VRK2: variants seen among roughly 807,000 people sequenced by gnomAD.
The protein encoded by VRK2 is serine/threonine-protein kinase VRK2.
VRK2 carries 60 observed loss-of-function variants against 57.6 expected under a neutral mutation model. That is an observed-to-expected ratio of 1.04 (90% CI 0.85 to 1.29). The LOEUF is 1.29. VRK2 is among the 50% of genes most tolerant of loss of function. The pLI, the probability that VRK2 is intolerant of heterozygous loss-of-function variation, is 0.00. For missense variants in VRK2, 705 were observed against 588.1 expected (o/e 1.20, Z -2.06); for synonymous variants, 231 against 199.2 (o/e 1.16, Z -1.35).
At chr2:58,137,012 A>G (rs1680262242) in intron 10 of VRK2, among the ~76,000 whole-genome samples, 1 of 132,772 alleles carries the variant, frequency 7.5e-6, no homozygotes, top group African/African-American at 2.9e-5. Context: ...TATATATTAT[A>G]TATATCTCAT....
intron 8 of VRK2, among the ~76,000 whole-genome samples, chr2:58,124,610 G>C (rs1223787282): frequency 6.6e-6 from 1 of 152,132 alleles, no homozygotes; most frequent in African/African-American, 2.4e-5. Flanking sequence ...AGTTTTAGTT[G>C]GTGAAGACAA....
upstream of VRK2, chr2:58,046,580 G>C (rs1323729533): frequency 3.1e-5 from 31 of 985,512 alleles, no homozygotes; most frequent in Non-Finnish European, 3.7e-5. Context: ...GGTGGAGGTA[G>C]TAACACAGCT....
At chr2:58,096,628 G>GCCAGTAGTAGTCCCTTTTGTTAATTT (rs1673177019) in intron 7 of VRK2, among the ~76,000 whole-genome samples, 1 of 151,638 alleles carries the variant, frequency 6.6e-6, no homozygotes, top group South Asian at 2.1e-4. Context: ...TATGAAGGTG[G>GCCAGTAGTAGTCCCTTTTGTTAATTT]CCAGTAGTAG....
chr2:58,089,058 T>G (rs1573030648), intron 6 of VRK2, among the ~76,000 whole-genome samples: 1 of 152,212 alleles, frequency 6.6e-6, no homozygotes, highest in Admixed American at 6.5e-5. Flanking sequence ...TAGAATGCAT[T>G]AATTTTCTCA....
chr2:58,089,723 G>C lies in VRK2; in HGVS notation c.543G>C (p.Gln181His), dbSNP rs1454786007. ...NLLLGYKNPD[Q>H]VYLADYGLSY... ...TTTTGGGTTACAAAAATCCAGACCA[G>C]GTAAATACATACTTTTGCTTTTAAT... Residue 181 changes from glutamine to histidine, a missense_variant and splice_region_variant, in exon 7 of 13, where the codon CAG becomes CAC. By Grantham distance (24) the Gln-to-His change is conservative (BLOSUM62 0). Transcript: ENST00000340157. 2 of 1,595,344 alleles carry C rather than the reference G, an allele frequency of 1.3e-6. No individual in the cohort carries two copies. Among genetic ancestry groups the C allele is most frequent in the Non-Finnish European group, 1.7e-6 (2 of 1,167,762 alleles).
intron 12 of VRK2, among the ~76,000 whole-genome samples, chr2:58,155,748 G>A (rs947378966): frequency 8.0e-4 from 35 of 43,642 alleles, no homozygotes; most frequent in African/African-American, 3.1e-3. Flanking sequence ...CCTCCCCACC[G>A]CCCCCACCAT....
intron 1 of VRK2, among the ~76,000 whole-genome samples, chr2:57,926,750 T>C (rs1208407734): frequency 6.6e-6 from 1 of 151,822 alleles, no homozygotes; most frequent in Non-Finnish European, 1.5e-5. Context: ...TTTTCAGTCT[T>C]TATAGATGAA....
chr2:58,086,288 G>T, intron 4 of VRK2, 51 bp from the exon 5 acceptor site: 1 of 1,485,276 alleles, frequency 6.7e-7, no homozygotes, highest in Non-Finnish European at 9.2e-7. Context: ...AAGGTGACAA[G>T]TATCTTTTCA....
At chr2:58,084,218 T>G (rs1338057633) in intron 3 of VRK2, 80 bp downstream of exon 3, 1 of 1,429,100 alleles carries the variant, frequency 7.0e-7, no homozygotes, top group Non-Finnish European at 9.6e-7. Flanking sequence ...TTCACGTTAA[T>G]TTTTGTAACT....
chr2:57,981,308 C>T (rs954371417), intron 1 of VRK2, among the ~76,000 whole-genome samples: 1 of 152,120 alleles, frequency 6.6e-6, no homozygotes, highest in Non-Finnish European at 1.5e-5. Flanking sequence ...CTTAGTTTGG[C>T]CAGACATGTA....
In VRK2 at chr2:57,986,030, C is replaced by T. The variant is rs369039626; in HGVS notation, c.-438-39635C>T. Among the ~76,000 whole-genome samples the T allele has an allele frequency of 4.4e-4, 67 of 151,960 alleles. 1 individual carries two copies. The South Asian group carries it at 0.01, about 24-fold the overall frequency. On this transcript the variant is annotated intron_variant, in intron 1 of 15. Transcript: ENST00000417641. ...AAATTAAAGAATACCTTTAGATGTC[C>T]GCCTTTGTAACCTACTTAAAAAGAT...
chr2:57,973,620 A>G (rs1672161093), intron 1 of VRK2, among the ~76,000 whole-genome samples: 1 of 151,878 alleles, frequency 6.6e-6, no homozygotes, highest in Admixed American at 6.6e-5. Flanking sequence ...AGCACTGTCA[A>G]ACTATGAAGT....
intron 11 of VRK2, among the ~76,000 whole-genome samples, chr2:58,142,639 AT>A (rs1255954415): frequency 6.6e-6 from 1 of 151,862 alleles, no homozygotes; most frequent in African/African-American, 2.4e-5. Flanking sequence ...CTAGGATTTA[AT>A]TTCCAAAATT....
Position 58,123,167 on chromosome 2 carries a change from G to A in VRK2, c.610G>A (p.Glu204Lys). The A allele has an allele frequency of 6.3e-7, 1 of 1,595,008 alleles. No homozygotes were observed. The highest frequency in any genetic ancestry group is 8.5e-7 in the Non-Finnish European group (1 of 1,174,648). Residue 204 changes from glutamate (E) to lysine (K), a missense_variant, in exon 8 of 13, where the codon GAA (glutamate) becomes AAA (lysine). Glu to Lys is a moderately conservative substitution (Grantham distance 56). Coordinates refer to ENST00000340157, the MANE Select transcript of VRK2 (RefSeq NM_006296.7). ...CAATGGGAACCACAAACAGTATCAG[G>A]AAAATCCTAGAAAAGGCCATAATGG... ...CPNGNHKQYQ[E>K]NPRKGHNGTI...
chr2:58,157,376 G>A (rs894644120), intron 12 of VRK2, among the ~76,000 whole-genome samples: 5 of 152,102 alleles, frequency 3.3e-5, no homozygotes, highest in Non-Finnish European at 7.4e-5. Flanking sequence ...TGTTGTGGGG[G>A]TGCTGTCCTG....
intron 7 of VRK2, among the ~76,000 whole-genome samples, chr2:58,104,356 T>G (rs979740622): frequency 6.6e-6 from 1 of 151,804 alleles, no homozygotes; most frequent in Non-Finnish European, 1.5e-5. Flanking sequence ...TAAATGAATT[T>G]AGCAAAGTTT....
chr2:57,913,046 T>C (rs1405164209), intron 1 of VRK2, among the ~76,000 whole-genome samples: 1 of 152,176 alleles, frequency 6.6e-6, no homozygotes, highest in African/African-American at 2.4e-5. Context: ...AACCTGCATC[T>C]GAGATTCTCA....
chr2:58,147,190 C>G (rs777563829), intron 12 of VRK2: 6 of 517,948 alleles, frequency 1.2e-5, no homozygotes, highest in African/African-American at 1.9e-5. Context: ...AATCACTAAA[C>G]TGAGCACTGA....
intron 1 of VRK2, among the ~76,000 whole-genome samples, chr2:57,975,429 A>G (rs1031625925): frequency 1.3e-5 from 2 of 152,082 alleles, no homozygotes; most frequent in African/African-American, 4.8e-5. Context: ...TGTGGTTTCA[A>G]ATAACACAAA....
Sources: allele counts gnomAD v4.1 joint callset (sites outside exome capture counted in the v4.1 genomes callset), GRCh38; gene constraint gnomAD v4.1.1; transcripts MANE v1.5; gene names NCBI Gene and HGNC (gene_info 2026-07-23, HGNC 2026-07-21).